Variants in RNMT observed in about 807,000 individuals in gnomAD.
RNMT encodes the protein RNA guanine-7 methyltransferase, also known as mRNA cap guanine-N(7) methyltransferase.
In RNMT, 27 loss-of-function variants were observed where a neutral mutation model predicts 56.0. The observed-to-expected ratio is 0.48, with a 90% CI of 0.36 to 0.67. The LOEUF is 0.67. Ranked by LOEUF, RNMT falls within the 30% of genes least tolerant of loss-of-function variation. RNMT has a pLI of 0.00. For missense variants in RNMT, 519 were observed against 552.1 expected (o/e 0.94, Z 0.60); for synonymous variants, 184 against 176.2 (o/e 1.04, Z -0.35).
Position 13,760,683 on chromosome 18 carries a change from G to GA in RNMT, c.*705dup, listed in dbSNP as rs2044608503. 1.0e-6 allele frequency: 1 copy of GA among 985,156 alleles called. No individual in the cohort carries two copies. The highest frequency in any genetic ancestry group is 6.2e-5 in the Admixed American group (1 of 16,260). 61.0% of individuals were successfully genotyped at this position (985,156 alleles called of 1,614,324 possible). The stretch of plus-strand genomic sequence containing the variant: ...TTTCCAGTTATCAAGATTGTGATTA[G>GA]ACACATTTACCTTTCTTCATTGAAC... On this transcript the variant is annotated 3_prime_UTR_variant, in exon 12 of 12. Transcript: ENST00000383314.
At chr18:13,727,320 T>G (rs1250526912) in intron 1 of RNMT, among the ~76,000 whole-genome samples, 3 of 152,206 alleles carry the variant, frequency 2.0e-5, no homozygotes, top group Non-Finnish European at 4.4e-5. Context: ...GTCGAAATGT[T>G]CGTGTGGTTA....
At chr18:13,740,373 A>T (rs1354259223) in intron 6 of RNMT, 94 bp downstream of exon 6, 2 of 725,218 alleles carry the variant, frequency 2.8e-6, no homozygotes, top group Non-Finnish European at 4.6e-6. Context: ...ACTTTTTTAA[A>T]AAAATTTACT....
Position 13,762,658 on chromosome 18 carries a change from C to T in RNMT, c.*2679C>T, listed in dbSNP as rs2044634571. The T allele has an allele frequency of 5.0e-6, 1 of 199,940 alleles. No homozygotes were observed. Among genetic ancestry groups the T allele is most frequent in the African/African-American group, 2.3e-5 (1 of 42,722 alleles). The allele number at this position is 199,940 out of a possible 1,614,324, so 12.4% of individuals were successfully genotyped here. On this transcript the variant is annotated 3_prime_UTR_variant, in exon 12 of 12. Transcript: ENST00000383314. ...TTGAGGGAGCATGACCGCTCTCTGA[C>T]TTCACATGTTAATAGAGGATCAGAG...
At position 13,741,875 on chromosome 18, in the gene RNMT, A is replaced by G. The variant is rs1189642320; in HGVS notation, c.974+184A>G. On this transcript the variant is annotated intron_variant, in intron 7 of 11. Coordinates refer to ENST00000383314, the MANE Select transcript of RNMT (RefSeq NM_003799.3). ...AGACAAATTTACAGGTGAACTTTTA[A>G]CAGTTCATCTTTGTGTGTAAGTTAG... Among the ~76,000 whole-genome samples, 6 of 152,376 alleles carry G rather than the reference A, an allele frequency of 3.9e-5. No homozygotes were observed. The East Asian group carries it at 1.2e-3, about 29-fold the overall frequency.
intron 8 of RNMT, among the ~76,000 whole-genome samples, chr18:13,745,677 G>T (rs562968877): frequency 6.7e-6 from 1 of 149,838 alleles, no homozygotes; most frequent in Non-Finnish European, 1.5e-5. Flanking sequence ...CCGATAGCTG[G>T]GGGGTGGAAG....
intron 9 of RNMT, 123 bp from the exon 10 acceptor site, chr18:13,752,203 T>G: frequency 1.6e-6 from 1 of 634,098 alleles, no homozygotes; most frequent in South Asian, 2.1e-5. Flanking sequence ...ATGTATAGTT[T>G]GTATTCCTGA....
intron 10 of RNMT, among the ~76,000 whole-genome samples, chr18:13,753,474 A>G (rs1326319718): frequency 1.4e-5 from 2 of 141,936 alleles, no homozygotes; most frequent in African/African-American, 2.7e-5. Flanking sequence ...CAAAAAAAAG[A>G]AAGAATACAA....
intron 10 of RNMT, among the ~76,000 whole-genome samples, chr18:13,753,392 G>C (rs547137203): frequency 6.6e-5 from 10 of 152,162 alleles, no homozygotes; most frequent in Non-Finnish European, 1.2e-4. Context: ...GTGAACCCGG[G>C]AGGCGGAGCT....
intron 9 of RNMT, among the ~76,000 whole-genome samples, chr18:13,747,217 C>G (rs1018850065): frequency 1.3e-5 from 1 of 79,260 alleles, no homozygotes; most frequent in Non-Finnish European, 2.8e-5. Context: ...AATTTTTTTC[C>G]TATTTTTTTT....
At position 13,763,059 on chromosome 18, in the gene RNMT, G is replaced by C. The variant is rs1292524258; in HGVS notation, c.*3080G>C. On this transcript the variant is annotated 3_prime_UTR_variant, in exon 12 of 12. Transcript: ENST00000383314. ...CTGCAAAATAGAGGCCAAATCCAGG[G>C]ACCAGGCCCTAATAATAGAAGTTGT... 2.2e-6 allele frequency: 1 copy of C among 455,864 alleles called. No individual in the cohort carries two copies. The highest frequency in any genetic ancestry group is 4.4e-6 in the Non-Finnish European group (1 of 226,782). The allele number at this position is 455,864 out of a possible 1,614,324, so 28.2% of individuals were successfully genotyped here.
Position 13,762,246 on chromosome 18 carries a change from T to C in RNMT, c.*2267T>C. 2 of 1,359,154 alleles carry C rather than the reference T, an allele frequency of 1.5e-6. No homozygotes were observed. The highest frequency in any genetic ancestry group is 2.0e-6 in the Non-Finnish European group (2 of 1,019,548). 84.2% of individuals were successfully genotyped at this position (1,359,154 alleles called of 1,614,324 possible). A position where few individuals can be genotyped will look rare whatever the true frequency, so the allele number is the denominator to read the frequency against. On this transcript the variant is annotated 3_prime_UTR_variant, in exon 12 of 12. Coordinates refer to ENST00000383314, the MANE Select transcript of RNMT (RefSeq NM_003799.3). The stretch of plus-strand genomic sequence containing the variant: ...GCGATGATTGATCTGGGAACATGGC[T>C]GGATTGTGATTTAACCAAGAATGCT...
intron 8 of RNMT, among the ~76,000 whole-genome samples, chr18:13,743,596 C>T (rs2044295746): frequency 6.6e-6 from 1 of 152,096 alleles, no homozygotes; most frequent in Non-Finnish European, 1.5e-5. Flanking sequence ...CCTTGTGATA[C>T]ACCTTGGTTT....
At position 13,761,966 on chromosome 18, in the gene RNMT, C is replaced by G. The variant is rs2044625796; in HGVS notation, c.*1987C>G. On this transcript the variant is annotated 3_prime_UTR_variant, in exon 12 of 12. Transcript: ENST00000383314. ...TTCCCCTGCCTATCCTCTCCGATCA[C>G]CAAGGTGGAAGGGAGCTAGTAGGAC... The G allele has an allele frequency of 6.7e-7, 1 of 1,496,522 alleles. No homozygotes were observed. Among genetic ancestry groups the G allele is most frequent in the Non-Finnish European group, 8.9e-7 (1 of 1,122,652 alleles). The allele number at this position is 1,496,522 out of a possible 1,614,324, so 92.7% of individuals were successfully genotyped here.
At chr18:13,732,747 T>A (rs1248285161) in intron 3 of RNMT, among the ~76,000 whole-genome samples, 1 of 59,406 alleles carries the variant, frequency 1.7e-5, no homozygotes, top group East Asian at 1.0e-3. Context: ...CCCCCCTTTT[T>A]TTTTTTTTTT....
chr18:13,751,180 A>G (rs562180014), intron 9 of RNMT, among the ~76,000 whole-genome samples: 1 of 152,372 alleles, frequency 6.6e-6, no homozygotes, highest in South Asian at 2.1e-4. Flanking sequence ...CAGAGTGAAC[A>G]GGCAACCTAC....
intron 1 of RNMT, among the ~76,000 whole-genome samples, chr18:13,728,753 C>T (rs186863123): frequency 1.3e-5 from 2 of 151,982 alleles, no homozygotes; most frequent in South Asian, 2.1e-4. Flanking sequence ...GCATTTTTTA[C>T]GTATATACCT....
At position 13,763,065 on chromosome 18, in the gene RNMT, G is replaced by A; in HGVS notation, c.*3086G>A. 2.2e-6 allele frequency: 1 copy of A among 455,998 alleles called. No homozygotes were observed. The allele number at this position is 455,998 out of a possible 1,614,324, so 28.2% of individuals were successfully genotyped here. ...AATAGAGGCCAAATCCAGGGACCAG[G>A]CCCTAATAATAGAAGTTGTACCAAA... On this transcript the variant is annotated 3_prime_UTR_variant, in exon 12 of 12. Transcript: ENST00000383314.
chr18:13,749,249 AG>A (rs1335496766), intron 9 of RNMT, among the ~76,000 whole-genome samples: 1 of 152,238 alleles, frequency 6.6e-6, no homozygotes, highest in Non-Finnish European at 1.5e-5. Flanking sequence ...ATAGTTTGAC[AG>A]GCATTCAAAA....
In RNMT at chr18:13,761,203, T is replaced by C; in HGVS notation, c.*1224T>C. On this transcript the variant is annotated 3_prime_UTR_variant, in exon 12 of 12. Coordinates refer to ENST00000383314, the MANE Select transcript of RNMT (RefSeq NM_003799.3). ...AGTTGCAAACTTTTTAGCAAGAAAATATGGATTTCCTCATTTCAGTTCCTT... is the reference window on the plus strand; with the variant it reads ...AGTTGCAAACTTTTTAGCAAGAAAACATGGATTTCCTCATTTCAGTTCCTT... 1 of 985,464 alleles carries C rather than the reference T, an allele frequency of 1.0e-6. No homozygotes were observed. Among genetic ancestry groups the C allele is most frequent in the Non-Finnish European group, 1.2e-6 (1 of 829,938 alleles). 61.0% of individuals were successfully genotyped at this position (985,464 alleles called of 1,614,324 possible).
Sources: allele counts gnomAD v4.1 joint callset (sites outside exome capture counted in the v4.1 genomes callset), GRCh38; gene constraint gnomAD v4.1.1; transcripts MANE v1.5; gene names NCBI Gene and HGNC (gene_info 2026-07-23, HGNC 2026-07-21).